LHCGR: variants seen among roughly 807,000 people sequenced by gnomAD.
LHCGR encodes lutropin-choriogonadotropic hormone receptor.
Under a neutral mutation model 60.7 loss-of-function variants are expected in LHCGR, and 55 were observed. That is an observed-to-expected ratio of 0.91 (90% confidence interval 0.73 to 1.13). The LOEUF is 1.13. LHCGR is among the 50% of genes most tolerant of loss of function. The probability of loss-of-function intolerance (pLI) is 0.00; values close to 1 mark genes in which losing one functional copy is unlikely to be tolerated. For synonymous variants in LHCGR, 337 were observed against 316.5 expected (o/e 1.06, Z -0.69); for missense variants, 862 against 836.0 (o/e 1.03, Z -0.38).
At position 48,706,533 on chromosome 2, in the gene LHCGR, A is replaced by G. The variant is rs563783680; in HGVS notation, c.680+2415T>C. On this transcript the variant is annotated intron_variant, in intron 8 of 10. Coordinates refer to ENST00000294954, the MANE Select transcript of LHCGR (RefSeq NM_000233.4). ...CATCACTTTCAGGTACACCAATCAA[A>G]CGTAGATATGGTCTTTTAACATAGT... Among the ~76,000 whole-genome samples the G allele has an allele frequency of 3.3e-5, 5 of 152,172 alleles. No homozygotes were observed. The South Asian group carries it at 1.0e-3, about 32-fold the overall frequency.
intron 3 of LHCGR, among the ~76,000 whole-genome samples, chr2:48,728,002 C>G (rs1265195994): frequency 6.6e-6 from 1 of 152,206 alleles, no homozygotes; most frequent in Non-Finnish European, 1.5e-5. Context: ...GCTTGTCCAA[C>G]CCACAGTCTG....
intron 8 of LHCGR, among the ~76,000 whole-genome samples, chr2:48,704,814 A>G (rs1667581935): frequency 1.3e-5 from 2 of 151,902 alleles, no homozygotes; most frequent in South Asian, 4.2e-4. Context: ...CAGTGTATCT[A>G]TTTTGTTAAT....
chr2:48,736,575 T>C (rs2103658598), intron 1 of LHCGR, among the ~76,000 whole-genome samples: 1 of 152,332 alleles, frequency 6.6e-6, no homozygotes, highest in South Asian at 2.1e-4. Flanking sequence ...CTTTTTTCTT[T>C]TGAGTTTAAT....
At chr2:48,750,496 T>C (rs532356956) in intron 1 of LHCGR, among the ~76,000 whole-genome samples, 1 of 152,326 alleles carries the variant, frequency 6.6e-6, no homozygotes, top group Non-Finnish European at 1.5e-5. Context: ...CAAATTCTGT[T>C]ATAGGACCTG....
chr2:48,738,574 C>G (rs1214823726), intron 1 of LHCGR, among the ~76,000 whole-genome samples: 2 of 152,196 alleles, frequency 1.3e-5, no homozygotes, highest in African/African-American at 2.4e-5. Flanking sequence ...GCATTCAAGG[C>G]TCAATCTTTA....
intron 3 of LHCGR, among the ~76,000 whole-genome samples, chr2:48,727,152 G>A (rs1325375953): frequency 6.6e-6 from 1 of 152,078 alleles, no homozygotes; most frequent in Non-Finnish European, 1.5e-5. Flanking sequence ...TTTGGGCTGG[G>A]TGTGGTGGCG....
intron 2 of LHCGR, 56 bp from the exon 3 acceptor site, chr2:48,729,283 C>T: frequency 7.5e-7 from 1 of 1,326,526 alleles, no homozygotes; most frequent in South Asian, 1.2e-5. Context: ...ATGACCGTGT[C>T]TGCATGATTA....
At chr2:48,714,950 T>A (rs1171173831) in intron 6 of LHCGR, among the ~76,000 whole-genome samples, 1 of 152,214 alleles carries the variant, frequency 6.6e-6, no homozygotes, top group Non-Finnish European at 1.5e-5. Context: ...TAAATGGGAC[T>A]AGGATATGCT....
chr2:48,733,656 TGGGGTTA>T (rs963180712), intron 1 of LHCGR, among the ~76,000 whole-genome samples: 2 of 151,288 alleles, frequency 1.3e-5, no homozygotes, highest in Non-Finnish European at 3.0e-5. Context: ...GGGAGAGAGG[TGGGGTTA>T]GGCAGGTGCA....
At chr2:48,717,015 T>C (rs1326946278) in intron 6 of LHCGR, among the ~76,000 whole-genome samples, 3 of 152,146 alleles carry the variant, frequency 2.0e-5, no homozygotes, top group Non-Finnish European at 2.9e-5. Flanking sequence ...TGCCCTAGGG[T>C]ATGTCATAGG....
chr2:48,739,637 G>A (rs7369497), intron 1 of LHCGR, among the ~76,000 whole-genome samples: 22,874 of 147,836 alleles, frequency 0.15, 2,185 homozygotes, highest in East Asian at 0.33. Context: ...ACAGGAAGGG[G>A]AACATCACAC....
chr2:48,693,593 A>T (rs147689357), intron 10 of LHCGR, among the ~76,000 whole-genome samples: 1 of 152,172 alleles, frequency 6.6e-6, no homozygotes, highest in Non-Finnish European at 1.5e-5. Flanking sequence ...AAAACTTCTA[A>T]ATCTTAGTAA....
In LHCGR at chr2:48,688,826, C is replaced by A. The variant is rs765242645; in HGVS notation, c.971G>T (p.Ser324Ile). ...TTCATAGTCCCAGCCACTCAGTTCA[C>A]TCTCAGCAAGCATGGAAGAATAACT... ...KTLYSSMLAE[S>I]ELSGWDYEYG... The change falls in exon 11 of 11, where the codon AGT (serine) becomes ATT (isoleucine). Residue 324 changes from serine (S) to isoleucine (I), a missense_variant. Physicochemically the swap from Ser to Ile is moderately radical, Grantham distance 142. Transcript: ENST00000294954. The surrounding 1 kb of genome is among the most constrained non-coding windows in gnomAD (Gnocchi z 5.2). 2 of 1,613,988 alleles carry A rather than the reference C, an allele frequency of 1.2e-6. No homozygotes were observed. Among genetic ancestry groups the A allele is most frequent in the African/African-American group, 2.7e-5 (2 of 74,912 alleles).
intron 1 of LHCGR, among the ~76,000 whole-genome samples, chr2:48,737,250 T>C (rs1479822070): frequency 6.6e-6 from 1 of 152,228 alleles, no homozygotes; most frequent in African/African-American, 2.4e-5. Flanking sequence ...CCATTCATTT[T>C]CCACAGATAA....
intron 7 of LHCGR, among the ~76,000 whole-genome samples, chr2:48,709,582 G>A (rs1667878048): frequency 6.6e-6 from 1 of 152,230 alleles, no homozygotes; most frequent in Admixed American, 6.5e-5. Flanking sequence ...TACAGCCTCT[G>A]TAGAAAATTG....
chr2:48,695,826 C>T (rs1667091844), intron 9 of LHCGR, among the ~76,000 whole-genome samples: 3 of 152,112 alleles, frequency 2.0e-5, no homozygotes, highest in African/African-American at 7.2e-5. Flanking sequence ...AAAGAGGGAG[C>T]TAAACACTGG....
intron 4 of LHCGR, among the ~76,000 whole-genome samples, chr2:48,724,885 G>A (rs1379609891): frequency 6.6e-6 from 1 of 152,186 alleles, no homozygotes; most frequent in Non-Finnish European, 1.5e-5. Context: ...GTACCAGAGA[G>A]ATGTCCCTTC....
intron 1 of LHCGR, among the ~76,000 whole-genome samples, chr2:48,751,059 T>C (rs1171679064): frequency 6.6e-6 from 1 of 152,040 alleles, no homozygotes; most frequent in Non-Finnish European, 1.5e-5. Context: ...TACAAAAATA[T>C]ATGTAAGCCC....
At chr2:48,743,567 A>G (rs1669568431) in intron 1 of LHCGR, among the ~76,000 whole-genome samples, 1 of 152,254 alleles carries the variant, frequency 6.6e-6, no homozygotes, top group African/African-American at 2.4e-5. Flanking sequence ...GTAATCCAGC[A>G]TATAAACAGA....
Sources: allele counts gnomAD v4.1 joint callset (sites outside exome capture counted in the v4.1 genomes callset), GRCh38; gene constraint gnomAD v4.1.1; non-coding constraint Gnocchi (gnomAD v3.1); transcripts MANE v1.5; gene names NCBI Gene and HGNC (gene_info 2026-07-23, HGNC 2026-07-21).